Variants in SYN2 observed in about 807,000 individuals in gnomAD.
The protein encoded by SYN2 is synapsin II.
Under a neutral mutation model 50.9 loss-of-function variants are expected in SYN2, and 19 were observed. That is an observed-to-expected ratio of 0.37 (90% CI 0.26 to 0.55). The LOEUF (loss-of-function observed/expected upper bound fraction) is 0.55, where lower values mean the gene tolerates loss of function less well. Ranked by LOEUF, SYN2 falls within the 20% of genes least tolerant of loss-of-function variation. The pLI is 0.81. For synonymous variants in SYN2, 255 were observed against 224.9 expected, an observed-to-expected ratio of 1.13 and a Z score of -1.20; for missense variants, 587 against 576.4, an observed-to-expected ratio of 1.02 and a Z score of -0.19.
At chr3:12,111,095 C>T (rs540752554) in intron 1 of SYN2, among the ~76,000 whole-genome samples, 2 of 152,230 alleles carry the variant, frequency 1.3e-5, no homozygotes, top group African/African-American at 4.8e-5. Flanking sequence ...TCTCATCTTC[C>T]CATGTGTTGT....
At chr3:12,042,760 T>G (rs777834460) in intron 1 of SYN2, among the ~76,000 whole-genome samples, 17 of 152,168 alleles carry the variant, frequency 1.1e-4, no homozygotes, top group Non-Finnish European at 2.2e-4. Flanking sequence ...GGTGTCCTTA[T>G]AAGAAGAAGA....
chr3:12,130,046 G>C (rs763087832), intron 1 of SYN2, among the ~76,000 whole-genome samples: 9 of 152,100 alleles, frequency 5.9e-5, no homozygotes, highest in Non-Finnish European at 1.3e-4. Context: ...CTGGCACCTT[G>C]ATCTGGACTT....
chr3:12,050,246 C>A (rs1694826144), intron 1 of SYN2, among the ~76,000 whole-genome samples: 3 of 150,898 alleles, frequency 2.0e-5, no homozygotes, highest in Admixed American at 2.0e-4. Flanking sequence ...CTGCAAGATT[C>A]TTGAAATGTT....
At chr3:12,117,075 T>C (rs1696450641) in intron 1 of SYN2, among the ~76,000 whole-genome samples, 1 of 152,108 alleles carries the variant, frequency 6.6e-6, no homozygotes, top group South Asian at 2.1e-4. Flanking sequence ...TTGATTGGAG[T>C]CTAACCTCAG....
chr3:12,139,543 T>C (rs1438832227), intron 1 of SYN2, among the ~76,000 whole-genome samples: 1 of 152,200 alleles, frequency 6.6e-6, no homozygotes, highest in Non-Finnish European at 1.5e-5. Flanking sequence ...CAATTCTGAA[T>C]CTTGGTTTCC....
chr3:12,181,780 TA>T (rs1261763612), intron 10 of SYN2, among the ~76,000 whole-genome samples: 1 of 152,120 alleles, frequency 6.6e-6, no homozygotes, highest in Non-Finnish European at 1.5e-5. Flanking sequence ...TGACCAAAGT[TA>T]GTCCAGGGAA....
chr3:12,154,397 G>T, intron 5 of SYN2: 1 of 1,614,136 alleles, frequency 6.2e-7, no homozygotes, highest in Middle Eastern at 1.6e-4. Flanking sequence ...GTCCTCCCAG[G>T]GCTCGATGTA....
intron 1 of SYN2, among the ~76,000 whole-genome samples, chr3:12,081,151 C>A (rs921213427): frequency 6.6e-6 from 1 of 152,086 alleles, no homozygotes; most frequent in Admixed American, 6.5e-5. Context: ...TAGTGCTGGG[C>A]ATATAAATGC....
chr3:12,167,456 A>T (rs1002248097), intron 8 of SYN2, 148 bp downstream of exon 8: 2 of 740,004 alleles, frequency 2.7e-6, no homozygotes, highest in Admixed American at 4.5e-5. Context: ...CCCATTTAGC[A>T]AGATCAGGCA....
intron 5 of SYN2, among the ~76,000 whole-genome samples, chr3:12,156,154 T>TC (rs1056640402): frequency 7.2e-5 from 11 of 152,162 alleles, no homozygotes; most frequent in African/African-American, 2.7e-4. Context: ...ACCTGTTCCC[T>TC]CCCCCACTGC....
At chr3:12,176,250 G>T (rs527914240) in intron 10 of SYN2, among the ~76,000 whole-genome samples, 2 of 152,310 alleles carry the variant, frequency 1.3e-5, no homozygotes, top group African/African-American at 4.8e-5. Flanking sequence ...AACTTCAGGG[G>T]GACAGAGCTT....
At position 12,191,570 on chromosome 3, in the gene SYN2, GT is replaced by G. The variant is rs1471797957; in HGVS notation, c.*948del. Among the ~76,000 whole-genome samples, 3 of 152,022 alleles carry G rather than the reference GT, an allele frequency of 2.0e-5. No individual in the cohort carries two copies. Among genetic ancestry groups the G allele is most frequent in the Admixed American group, 2.0e-4 (3 of 15,252 alleles). On this transcript the variant is annotated 3_prime_UTR_variant, in exon 13 of 13. Transcript: ENST00000621198. Reference sequence around the variant, plus strand: ...TGTGTGTGACTGCAGGTGTACATGTGTTTGCAAGTGTTTGAGAATGTGTCTG... The same window carrying G: ...TGTGTGTGACTGCAGGTGTACATGTGTTGCAAGTGTTTGAGAATGTGTCTG...
At chr3:12,190,058 G>C (rs1052950030) in intron 12 of SYN2, among the ~76,000 whole-genome samples, 6 of 152,282 alleles carry the variant, frequency 3.9e-5, no homozygotes, top group African/African-American at 1.4e-4. Flanking sequence ...CCAGTTGACA[G>C]TTGATAGAGA....
chr3:12,137,186 T>A (rs1468290193), intron 1 of SYN2, among the ~76,000 whole-genome samples: 1 of 148,490 alleles, frequency 6.7e-6, no homozygotes, highest in Non-Finnish European at 1.5e-5. Flanking sequence ...CAGTCGAGGC[T>A]ACAGTGAGCT....
At chr3:12,040,870 C>T (rs1681669769) in intron 1 of SYN2, among the ~76,000 whole-genome samples, 1 of 152,116 alleles carries the variant, frequency 6.6e-6, no homozygotes, top group South Asian at 2.1e-4. Context: ...TTTTCTTGCC[C>T]ATTTGGAGTT....
intron 5 of SYN2, chr3:12,154,184 A>G: frequency 7.9e-7 from 1 of 1,271,062 alleles, no homozygotes. Context: ...ATCAGGGCCT[A>G]TAGACTGTAT....
intron 8 of SYN2, among the ~76,000 whole-genome samples, chr3:12,167,945 C>T (rs1697842812): frequency 1.3e-5 from 2 of 152,100 alleles, no homozygotes; most frequent in East Asian, 1.9e-4. Flanking sequence ...AGAACTTGGC[C>T]GCATTGTGTC....
intron 10 of SYN2, among the ~76,000 whole-genome samples, chr3:12,172,577 A>G (rs1192588614): frequency 1.3e-5 from 2 of 152,220 alleles, no homozygotes; most frequent in African/African-American, 4.8e-5. Flanking sequence ...CCTGGCTTTG[A>G]TATGTGACAA....
At chr3:12,071,530 A>G (rs557577029) in intron 1 of SYN2, 2 of 357,994 alleles carry the variant, frequency 5.6e-6, no homozygotes, top group Middle Eastern at 9.6e-4. Context: ...TGATTGTAGA[A>G]CTTGTTGCTG....
Sources: allele counts gnomAD v4.1 joint callset (sites outside exome capture counted in the v4.1 genomes callset), GRCh38; gene constraint gnomAD v4.1.1; transcripts MANE v1.5; gene names NCBI Gene and HGNC (gene_info 2026-07-23, HGNC 2026-07-21).